The following NCOA2 variants were observed in gnomAD, a reference collection of about 807,000 sequenced individuals.
NCOA2 encodes class E basic helix-loop-helix protein 75.
In NCOA2, 21 loss-of-function variants were observed where a neutral mutation model predicts 145.1. The observed-to-expected ratio is 0.14, with a 90% CI of 0.10 to 0.21. NCOA2 has a LOEUF of 0.21. Among genes scored for constraint, NCOA2 ranks in the 10% least tolerant of loss-of-function variants. NCOA2 has a pLI of 1.00. For synonymous variants in NCOA2, 619 were observed against 637.5 expected, an observed-to-expected ratio of 0.97 and a Z score of 0.44; for missense variants, 1,472 against 1,837.6, an observed-to-expected ratio of 0.80 and a Z score of 3.64.
At chr8:70,326,610 G>GAT (rs1007376041) in intron 1 of NCOA2, among the ~76,000 whole-genome samples, 4 of 151,870 alleles carry the variant, frequency 2.6e-5, no homozygotes, top group East Asian at 1.9e-4. Flanking sequence ...TTTCTTACAT[G>GAT]ATATATATAT....
At chr8:70,175,950 C>T (rs1008516766) in intron 4 of NCOA2, among the ~76,000 whole-genome samples, 5 of 149,660 alleles carry the variant, frequency 3.3e-5, no homozygotes, top group African/African-American at 1.2e-4. Flanking sequence ...ACCTAGAAAA[C>T]AATTAGGAAT....
chr8:70,184,480 C>T (rs1563583650), intron 4 of NCOA2, among the ~76,000 whole-genome samples: 1 of 152,016 alleles, frequency 6.6e-6, no homozygotes, highest in Non-Finnish European at 1.5e-5. Context: ...CAGAGTGCTG[C>T]GAGAAGCCTT....
intron 2 of NCOA2, among the ~76,000 whole-genome samples, chr8:70,232,518 C>T (rs1199677780): frequency 3.9e-5 from 6 of 152,136 alleles, no homozygotes; most frequent in Admixed American, 3.9e-4. Context: ...TTTTCCTCAA[C>T]TTCCCTTCTT....
At chr8:70,149,662 C>A in intron 11 of NCOA2, among the ~76,000 whole-genome samples, 1 of 151,602 alleles carries the variant, frequency 6.6e-6, no homozygotes, top group East Asian at 1.9e-4. Flanking sequence ...TGCTAGGAAG[C>A]TAAACTGGAA....
chr8:70,364,159 AT>A (rs1270891523), intron 1 of NCOA2, among the ~76,000 whole-genome samples: 2 of 152,166 alleles, frequency 1.3e-5, no homozygotes, highest in Admixed American at 6.5e-5. Flanking sequence ...CAGGAAGAAT[AT>A]GGAGAGGAAG....
the NCOA2 span, among the ~76,000 whole-genome samples, chr8:70,426,805 GTTTTGTGT>G: frequency 2.2e-4 from 33 of 152,164 alleles, no homozygotes; most frequent in Non-Finnish European, 4.1e-4. Flanking sequence ...TTGGTTTTTG[GTTTTGTGT>G]TTTTAGAGAC....
chr8:70,263,164 C>T (rs751214043), intron 2 of NCOA2, among the ~76,000 whole-genome samples: 3 of 146,752 alleles, frequency 2.0e-5, no homozygotes, highest in Non-Finnish European at 3.0e-5. Context: ...ACTAGCACTG[C>T]GATACCTAGA....
chr8:70,171,395 T>G (rs560547909), intron 5 of NCOA2, among the ~76,000 whole-genome samples: 5 of 152,362 alleles, frequency 3.3e-5, no homozygotes, highest in African/African-American at 1.2e-4. Context: ...CCAAAGCTCA[T>G]GCTTTGATGA....
chr8:70,189,147 T>C (rs894043676), intron 4 of NCOA2, among the ~76,000 whole-genome samples: 4 of 152,186 alleles, frequency 2.6e-5, no homozygotes, highest in African/African-American at 7.2e-5. Context: ...AGGAACACGA[T>C]GCATTAAATT....
chr8:70,390,119 G>A (rs1042119203), intron 1 of NCOA2, among the ~76,000 whole-genome samples: 2 of 152,122 alleles, frequency 1.3e-5, no homozygotes, highest in Non-Finnish European at 2.9e-5. Context: ...TATCTTCTAA[G>A]TATATGACTT....
chr8:70,330,675 T>G (rs1369224582), intron 1 of NCOA2, among the ~76,000 whole-genome samples: 1 of 151,542 alleles, frequency 6.6e-6, no homozygotes, highest in African/African-American at 2.4e-5. Context: ...AAATTAAAAT[T>G]TGGAAAAGTC....
chr8:70,261,530 A>G (rs1231437263), intron 2 of NCOA2, among the ~76,000 whole-genome samples: 1 of 152,126 alleles, frequency 6.6e-6, no homozygotes, highest in Non-Finnish European at 1.5e-5. Context: ...AGCATGGCAC[A>G]TGTATACATA....
At chr8:70,406,402 AG>A (rs1412076272), upstream of NCOA2, among the ~76,000 whole-genome samples, 2 of 152,240 alleles carry the variant, frequency 1.3e-5, no homozygotes, top group Non-Finnish European at 2.9e-5. Context: ...GAAAAGGTAG[AG>A]GAGGCGGTAA....
intron 19 of NCOA2, among the ~76,000 whole-genome samples, chr8:70,125,613 C>T (rs753826042): frequency 6.6e-6 from 1 of 152,128 alleles, no homozygotes; most frequent in Non-Finnish European, 1.5e-5. Flanking sequence ...CAAAAGTCAA[C>T]ACATTTGAAT....
At chr8:70,134,009 C>T (rs971791166) in intron 15 of NCOA2, among the ~76,000 whole-genome samples, 4 of 152,178 alleles carry the variant, frequency 2.6e-5, no homozygotes, top group Non-Finnish European at 5.9e-5. Context: ...AGGGACCCAC[C>T]CAGACCCCTG....
chr8:70,422,853 T>G, the NCOA2 span, among the ~76,000 whole-genome samples: 2 of 152,212 alleles, frequency 1.3e-5, no homozygotes, highest in African/African-American at 4.8e-5. Flanking sequence ...ATTTTATGTA[T>G]GTCATTAAAA....
At chr8:70,318,161 G>A (rs572699639) in intron 1 of NCOA2, among the ~76,000 whole-genome samples, 1 of 152,232 alleles carries the variant, frequency 6.6e-6, no homozygotes, top group Admixed American at 6.5e-5. Context: ...CATGCTGAGT[G>A]CAGTCATAAT....
intron 13 of NCOA2, among the ~76,000 whole-genome samples, chr8:70,144,180 T>C (rs1009482183): frequency 3.9e-5 from 6 of 152,242 alleles, no homozygotes; most frequent in African/African-American, 7.2e-5. Context: ...TATTACTGTT[T>C]AAAGTTCTTT....
intron 21 of NCOA2, chr8:70,123,664 T>C (rs577196427): frequency 6.7e-5 from 26 of 388,772 alleles, no homozygotes; most frequent in African/African-American, 5.1e-4. Context: ...CAAAATATTT[T>C]AAAAGCTCCT....
Sources: allele counts gnomAD v4.1 joint callset (sites outside exome capture counted in the v4.1 genomes callset), GRCh38; gene constraint gnomAD v4.1.1; transcripts MANE v1.5; gene names NCBI Gene and HGNC (gene_info 2026-07-23, HGNC 2026-07-21).